LOC122394732: variants seen among roughly 807,000 people sequenced by gnomAD.
the LOC122394732 span, chr9:87,956,523 G>C: frequency 2.5e-6 from 1 of 398,424 alleles, no homozygotes. Flanking sequence ...CACCATAGGG[G>C]ACGAGTTCAT....
the LOC122394732 span, chr9:87,956,881 T>C: frequency 6.3e-6 from 1 of 157,932 alleles, no homozygotes; most frequent in Non-Finnish European, 1.4e-5. Flanking sequence ...ATATTTGCCT[T>C]AATCCTGTTC....
At chr9:87,956,375 C>T in the LOC122394732 span, 1 of 398,582 alleles carries the variant, frequency 2.5e-6, no homozygotes, top group Non-Finnish European at 4.4e-6. Flanking sequence ...GATTCAGATC[C>T]AAAGCATCCA....
chr9:87,956,694 A>C, the LOC122394732 span: 1 of 381,718 alleles, frequency 2.6e-6, no homozygotes, highest in Non-Finnish European at 4.6e-6. Flanking sequence ...AATAAACAAA[A>C]CCTCCTACAA....
chr9:87,956,617 T>A, the LOC122394732 span: 1 of 397,470 alleles, frequency 2.5e-6, no homozygotes, highest in Non-Finnish European at 4.4e-6. Flanking sequence ...AAGTGGCTAC[T>A]GGGACAAGCC....
At chr9:87,956,506 GC>G in the LOC122394732 span, 3 of 398,598 alleles carry the variant, frequency 7.5e-6, no homozygotes, top group African/African-American at 2.1e-5. Context: ...GGTGACTGAT[GC>G]TGTGCCACCA....
the LOC122394732 span, chr9:87,956,421 G>T: frequency 2.5e-6 from 1 of 398,652 alleles, no homozygotes; most frequent in East Asian, 3.6e-5. Flanking sequence ...GAGATTGATA[G>T]AGAAAAAGCA....
the LOC122394732 span, chr9:87,956,380 C>G: frequency 2.5e-6 from 1 of 398,610 alleles, no homozygotes; most frequent in Admixed American, 4.4e-5. Flanking sequence ...AGATCCAAAG[C>G]ATCCAGAAGG....
the LOC122394732 span, chr9:87,956,659 G>A: frequency 2.5e-6 from 1 of 394,024 alleles, no homozygotes. Context: ...GATAATTGAG[G>A]ACACAAATGG....
the LOC122394732 span, chr9:87,956,525 C>T: frequency 1.1e-3 from 449 of 398,492 alleles, 1 homozygote; most frequent in African/African-American, 7.9e-3. Flanking sequence ...CCATAGGGGA[C>T]GAGTTCATCT....
At chr9:87,956,724 A>T in the LOC122394732 span, 2 of 351,340 alleles carry the variant, frequency 5.7e-6, no homozygotes, top group Non-Finnish European at 1.0e-5. Context: ...TAATGCGCTG[A>T]TTTTTTTCCC....
the LOC122394732 span, chr9:87,956,571 C>G: frequency 2.5e-6 from 1 of 398,198 alleles, no homozygotes; most frequent in East Asian, 3.6e-5. Flanking sequence ...ACCTGGGTCT[C>G]CTTCTGTATC....
At chr9:87,956,219 C>A in the LOC122394732 span, 1 of 398,492 alleles carries the variant, frequency 2.5e-6, no homozygotes, top group South Asian at 1.3e-4. Context: ...CAGGCAGCCT[C>A]ACTGTCCTGT....
chr9:87,956,326 G>A, the LOC122394732 span: 56 of 398,458 alleles, frequency 1.4e-4, no homozygotes, highest in Non-Finnish European at 1.9e-4. Context: ...ACCTGCGAAG[G>A]GCCTTCGTGA....
At chr9:87,956,515 C>T in the LOC122394732 span, 11 of 398,432 alleles carry the variant, frequency 2.8e-5, no homozygotes, top group Non-Finnish European at 8.8e-6. Context: ...TGCTGTGCCA[C>T]CATAGGGGAC....
the LOC122394732 span, chr9:87,956,424 A>G: frequency 2.5e-6 from 1 of 398,650 alleles, no homozygotes; most frequent in East Asian, 3.6e-5. Context: ...ATTGATAGAG[A>G]AAAAGCAGCC....
the LOC122394732 span, chr9:87,956,321 C>T: frequency 2.0e-5 from 8 of 398,442 alleles, no homozygotes; most frequent in Admixed American, 8.8e-5. Flanking sequence ...CCTGTACCTG[C>T]GAAGGGCCTT....
chr9:87,956,842 T>C, the LOC122394732 span: 1 of 180,980 alleles, frequency 5.5e-6, no homozygotes, highest in African/African-American at 2.3e-5. Flanking sequence ...TTTAGAGATC[T>C]TTCAGATACT....
chr9:87,956,322 G>T, the LOC122394732 span: 4 of 398,608 alleles, frequency 1.0e-5, no homozygotes, highest in African/African-American at 2.1e-5. Context: ...CTGTACCTGC[G>T]AAGGGCCTTC....
chr9:87,956,692 A>C, the LOC122394732 span: 1 of 383,902 alleles, frequency 2.6e-6, no homozygotes, highest in Non-Finnish European at 4.6e-6. Context: ...ATAATAAACA[A>C]AACCTCCTAC....
Sources: allele counts gnomAD v4.1 joint callset, GRCh38; gene constraint gnomAD v4.1.1; transcripts MANE v1.5.